PACS1: variants seen among roughly 807,000 people sequenced by gnomAD.
PACS1 encodes the protein phosphofurin acidic cluster sorting protein 1, also known as PACS-1.
PACS1 carries 24 observed loss-of-function variants against 115.0 expected under a neutral mutation model. The observed-to-expected ratio is 0.21, with a 90% CI of 0.15 to 0.29. The LOEUF (loss-of-function observed/expected upper bound fraction) is 0.29, where lower values mean the gene tolerates loss of function less well. Among genes scored for constraint, PACS1 ranks in the 10% least tolerant of loss-of-function variants. The pLI, the probability that PACS1 is intolerant of heterozygous loss-of-function variation, is 1.00. For missense variants in PACS1, 838 were observed against 1,251.2 expected, an observed-to-expected ratio of 0.67 and a Z score of 4.98; for synonymous variants, 453 against 504.5, an observed-to-expected ratio of 0.90 and a Z score of 1.37.
chr11:66,201,714 C>CAGT (rs1019796432), intron 2 of PACS1, among the ~76,000 whole-genome samples: 4 of 147,876 alleles, frequency 2.7e-5, no homozygotes. Context: ...TGCTGGAGTA[C>CAGT]AGTGGTGCAA....
chr11:66,130,638 CTA>C (rs1466206964), intron 1 of PACS1, among the ~76,000 whole-genome samples: 2 of 152,052 alleles, frequency 1.3e-5, no homozygotes, highest in Non-Finnish European at 2.9e-5. Flanking sequence ...TCATTTAAAA[CTA>C]TGTTTTTCAG....
chr11:66,171,486 G>A (rs986822063), intron 1 of PACS1, among the ~76,000 whole-genome samples: 6 of 149,526 alleles, frequency 4.0e-5, no homozygotes, highest in African/African-American at 1.3e-4. Flanking sequence ...TCTTTTTTTG[G>A]GGGGGCGGTG....
At position 66,235,030 on chromosome 11, in the gene PACS1, A is replaced by G. The variant is rs1855678489; in HGVS notation, c.2105-271A>G. Among the ~76,000 whole-genome samples the G allele has an allele frequency of 1.3e-5, 2 of 152,142 alleles. No homozygotes were observed. Among genetic ancestry groups the G allele is most frequent in the Admixed American group, 1.3e-4 (2 of 15,268 alleles). On this transcript the variant is annotated intron_variant, in intron 17 of 23. Coordinates refer to ENST00000320580, the MANE Select transcript of PACS1 (RefSeq NM_018026.4). The surrounding 1 kb of genome is among the most constrained non-coding windows in gnomAD (Gnocchi z 5.6). ...GGCTCCTCCAGGCCACCGGATGGGT[A>G]TGTGCAAGGACAGGCAGGAGCAAGT...
At chr11:66,215,460 A>G (rs928209953) in intron 4 of PACS1, among the ~76,000 whole-genome samples, 3 of 151,970 alleles carry the variant, frequency 2.0e-5, no homozygotes, top group Non-Finnish European at 4.4e-5. Context: ...AAAATTAGCC[A>G]GGCATGGTGG....
At chr11:66,193,230 G>C (rs1358722436) in intron 1 of PACS1, among the ~76,000 whole-genome samples, 1 of 152,202 alleles carries the variant, frequency 6.6e-6, no homozygotes, top group South Asian at 2.1e-4. Flanking sequence ...TGTGGTCCCA[G>C]CTACTCAGGA....
At chr11:66,168,430 G>A (rs1437941647) in intron 1 of PACS1, among the ~76,000 whole-genome samples, 2 of 150,482 alleles carry the variant, frequency 1.3e-5, no homozygotes, top group Non-Finnish European at 2.9e-5. Flanking sequence ...GAGCGAGACA[G>A]TGTAGAGACA....
intron 2 of PACS1, among the ~76,000 whole-genome samples, chr11:66,206,676 A>G (rs1854947508): frequency 6.6e-6 from 1 of 152,184 alleles, no homozygotes; most frequent in South Asian, 2.1e-4. Flanking sequence ...AATAACTAAG[A>G]TAAAGGGGAC....
intron 10 of PACS1, among the ~76,000 whole-genome samples, chr11:66,226,344 A>C (rs1328363592): frequency 6.6e-6 from 1 of 152,196 alleles, no homozygotes; most frequent in Non-Finnish European, 1.5e-5. Context: ...TAGTCCTGCA[A>C]ATGGCCTGGA....
At chr11:66,181,295 TC>T (rs1430728317) in intron 1 of PACS1, among the ~76,000 whole-genome samples, 8 of 151,872 alleles carry the variant, frequency 5.3e-5, no homozygotes, top group African/African-American at 1.9e-4. Context: ...CACTGCAACC[TC>T]CACCTCCCAG....
At chr11:66,134,151 G>A (rs910801152) in intron 1 of PACS1, among the ~76,000 whole-genome samples, 1 of 151,790 alleles carries the variant, frequency 6.6e-6, no homozygotes, top group Admixed American at 6.6e-5. Context: ...CCCCTTGTGC[G>A]GAGTCCACTG....
intron 1 of PACS1, among the ~76,000 whole-genome samples, chr11:66,077,086 A>G (rs994425465): frequency 6.6e-6 from 1 of 152,344 alleles, no homozygotes; most frequent in South Asian, 2.1e-4. Context: ...AGATGTTCAC[A>G]GGGCAGTCAG....
intron 1 of PACS1, among the ~76,000 whole-genome samples, chr11:66,123,234 C>T (rs1055058891): frequency 7.3e-5 from 11 of 151,150 alleles, no homozygotes; most frequent in South Asian, 4.2e-4. Flanking sequence ...CTTGGTTGCC[C>T]GGGCTAGAGT....
At chr11:66,117,001 GA>G (rs1858320917) in intron 1 of PACS1, among the ~76,000 whole-genome samples, 1 of 152,166 alleles carries the variant, frequency 6.6e-6, no homozygotes, top group Middle Eastern at 3.4e-3. Context: ...ATGCTGGGTA[GA>G]AAAAACTAAG....
At chr11:66,110,794 C>T (rs912805971) in intron 1 of PACS1, among the ~76,000 whole-genome samples, 2 of 152,146 alleles carry the variant, frequency 1.3e-5, no homozygotes, top group African/African-American at 2.4e-5. Flanking sequence ...GTCATGAACT[C>T]CTGACCTCAA....
At chr11:66,227,407 TA>T (rs1855489411) in intron 10 of PACS1, 96 bp from the exon 11 acceptor site, 1 of 704,974 alleles carries the variant, frequency 1.4e-6, no homozygotes, top group Non-Finnish European at 2.5e-6. Flanking sequence ...GGTTTGAGAT[TA>T]AATGAAAGTA....
intron 1 of PACS1, among the ~76,000 whole-genome samples, chr11:66,139,124 C>G (rs1460327807): frequency 6.6e-6 from 1 of 152,260 alleles, no homozygotes; most frequent in East Asian, 1.9e-4. Flanking sequence ...AAACATCATG[C>G]TACTGTTTAC....
Position 66,236,006 on chromosome 11 carries a change from C to A in PACS1, c.2250+66C>A. The A allele has an allele frequency of 1.4e-6, 2 of 1,420,278 alleles. No individual in the cohort carries two copies. Among genetic ancestry groups the A allele is most frequent in the Non-Finnish European group, 2.0e-6 (2 of 1,002,928 alleles). The allele number at this position is 1,420,278 out of a possible 1,614,324, so 88.0% of individuals were successfully genotyped here. A position where few individuals can be genotyped will look rare whatever the true frequency, so the allele number is the denominator to read the frequency against. ...CCTGGTCTTCCTGTTCCCCCTTACACAGGAAAACAAAAGATTCATCTAGAA... is the reference window on the plus strand; with the variant it reads ...CCTGGTCTTCCTGTTCCCCCTTACAAAGGAAAACAAAAGATTCATCTAGAA... On this transcript the variant is annotated intron_variant, in intron 19 of 23. Transcript: ENST00000320580. The surrounding 1 kb of genome is among the most constrained non-coding windows in gnomAD (Gnocchi z 4.2).
chr11:66,122,368 T>G (rs889296703), intron 1 of PACS1, among the ~76,000 whole-genome samples: 4 of 152,222 alleles, frequency 2.6e-5, no homozygotes, highest in Non-Finnish European at 5.9e-5. Flanking sequence ...GAAATTAATG[T>G]TGTTTTCATG....
intron 1 of PACS1, among the ~76,000 whole-genome samples, chr11:66,098,481 C>A (rs1442554111): frequency 6.6e-6 from 1 of 152,190 alleles, no homozygotes; most frequent in Non-Finnish European, 1.5e-5. Context: ...TCATTTGAGA[C>A]CATGTTATGC....
Sources: allele counts gnomAD v4.1 joint callset (sites outside exome capture counted in the v4.1 genomes callset), GRCh38; gene constraint gnomAD v4.1.1; non-coding constraint Gnocchi (gnomAD v3.1); transcripts MANE v1.5; gene names NCBI Gene and HGNC (gene_info 2026-07-23, HGNC 2026-07-21).